Variants in EIF3B observed in about 807,000 individuals in gnomAD.
The protein encoded by EIF3B is eukaryotic translation initiation factor 3 subunit 9.
Under a neutral mutation model 104.6 loss-of-function variants are expected in EIF3B, and 10 were observed. That is an observed-to-expected ratio of 0.10 (90% confidence interval 0.06 to 0.16). EIF3B has a LOEUF of 0.16. Ranked by LOEUF, EIF3B falls within the 10% of genes least tolerant of loss-of-function variation. The pLI, the probability that EIF3B is intolerant of heterozygous loss-of-function variation, is 1.00. For missense variants in EIF3B, 1,014 were observed against 1,087.9 expected, an observed-to-expected ratio of 0.93 and a Z score of 0.96; for synonymous variants, 542 against 417.2, an observed-to-expected ratio of 1.30 and a Z score of -3.65.
intron 15 of EIF3B, among the ~76,000 whole-genome samples, chr7:2,377,450 C>T (rs900242373): frequency 1.1e-4 from 16 of 152,088 alleles, no homozygotes; most frequent in African/African-American, 3.6e-4. Context: ...GGAGAAAGTC[C>T]GTCTCAAAGT....
chr7:2,380,467 G>A lies in EIF3B; in HGVS notation c.*278G>A. The A allele has an allele frequency of 2.0e-6, 1 of 504,314 alleles. No homozygotes were observed. Among genetic ancestry groups the A allele is most frequent in the South Asian group, 1.4e-5 (1 of 69,854 alleles). The allele number at this position is 504,314 out of a possible 1,614,324, so 31.2% of individuals were successfully genotyped here. On this transcript the variant is annotated 3_prime_UTR_variant, in exon 19 of 19. Transcript: ENST00000360876. The stretch of plus-strand genomic sequence containing the variant: ...AGGCACCCGCTTCCACTTCTTTCTT[G>A]TTTGGAGTTTTCTGTTGGAACCGCC...
At chr7:2,354,195 G>T (rs1779254935), upstream of EIF3B, 1 of 152,290 alleles carries the variant, frequency 6.6e-6, no homozygotes, top group South Asian at 2.1e-4. Context: ...AAGGACTGGG[G>T]GTAAGCGATT....
At chr7:2,358,160 C>CGTG (rs1052668097) in intron 1 of EIF3B, among the ~76,000 whole-genome samples, 1 of 151,992 alleles carries the variant, frequency 6.6e-6, no homozygotes, top group Non-Finnish European at 1.5e-5. Context: ...AATGGCTCAC[C>CGTG]GCAGCCTCTG....
At chr7:2,355,581 C>T (rs964868919) in intron 1 of EIF3B, among the ~76,000 whole-genome samples, 161 bp downstream of exon 1, 3 of 152,146 alleles carry the variant, frequency 2.0e-5, no homozygotes, top group African/African-American at 7.2e-5. Flanking sequence ...TCCCGAGTGC[C>T]CTGGAAGTGT....
chr7:2,373,921 G>T (rs998790280), intron 12 of EIF3B: 3 of 152,268 alleles, frequency 2.0e-5, no homozygotes, highest in Admixed American at 6.5e-5. Flanking sequence ...CCCCACGTCA[G>T]CCTGCCCCAT....
At chr7:2,359,586 C>T (rs1216634702) in intron 1 of EIF3B, among the ~76,000 whole-genome samples, 1 of 152,166 alleles carries the variant, frequency 6.6e-6, no homozygotes, top group Non-Finnish European at 1.5e-5. Flanking sequence ...AGCTGGCAAA[C>T]CTAGCTCTCT....
In EIF3B at chr7:2,380,527, C is replaced by G; in HGVS notation, c.*338C>G. The G allele has an allele frequency of 2.3e-6, 1 of 426,482 alleles. No individual in the cohort carries two copies. The highest frequency in any genetic ancestry group is 2.0e-5 in the African/African-American group (1 of 49,586). 26.4% of individuals were successfully genotyped at this position (426,482 alleles called of 1,614,324 possible). On this transcript the variant is annotated 3_prime_UTR_variant, in exon 19 of 19. Transcript: ENST00000360876. ...TCCGAAGACTTAGCGACGCCACTGG[C>G]GGCACCTTCTCCTGCGCCCAGTGAT...
In EIF3B at chr7:2,363,673, T is replaced by A; in HGVS notation, c.912T>A (p.Asp304Glu). 6.2e-7 allele frequency: 1 copy of A among 1,614,028 alleles called. No individual in the cohort carries two copies. Among genetic ancestry groups the A allele is most frequent in the Non-Finnish European group, 8.5e-7 (1 of 1,179,958 alleles). The part of the protein sequence containing the change: ...RYWLEEAECR[D>E]QYSVIFESGD... ...GGCTTGAAGAGGCAGAATGCAGAGATCAGTACAGTGTGATTTTTGAGAGTG... is the reference window on the plus strand; with the variant it reads ...GGCTTGAAGAGGCAGAATGCAGAGAACAGTACAGTGTGATTTTTGAGAGTG... Residue 304 changes from aspartate to glutamate, a missense_variant, in exon 5 of 19, where the codon GAT (aspartate) becomes GAA (glutamate). Around this residue, in one of 4 missense-constraint regions of EIF3B, gnomAD observed 201 missense variants for 240.7 expected, o/e 0.83. Transcript: ENST00000360876.
intron 6 of EIF3B, 142 bp downstream of exon 6, chr7:2,364,671 ATCT>A (rs1209533669): frequency 4.0e-6 from 3 of 748,256 alleles, no homozygotes; most frequent in Admixed American, 3.2e-5. Flanking sequence ...TTTTACTGAG[ATCT>A]TCTCACATTT....
intron 6 of EIF3B, 21 bp downstream of exon 6, chr7:2,364,550 A>T (rs774837391): frequency 1.2e-6 from 2 of 1,605,330 alleles, no homozygotes; most frequent in Admixed American, 3.4e-5. Context: ...AGAAAAACAC[A>T]GGGGAGTCTA....
upstream of EIF3B, chr7:2,354,289 C>G (rs554286002): frequency 1.7e-4 from 26 of 152,328 alleles, no homozygotes; most frequent in African/African-American, 6.0e-4. Context: ...CCCCGAATTC[C>G]TTTTCTATTT....
intron 14 of EIF3B, 179 bp from the exon 15 acceptor site, chr7:2,376,771 G>A: frequency 3.7e-6 from 3 of 815,448 alleles, no homozygotes; most frequent in Non-Finnish European, 1.8e-6. Context: ...CGGGTCGGTT[G>A]CATAATGGAG....
At chr7:2,378,435 C>T (rs113026953) in intron 15 of EIF3B, 25 of 342,938 alleles carry the variant, frequency 7.3e-5, no homozygotes, top group South Asian at 5.2e-4. Context: ...GGAGCAGGCG[C>T]GAGCGCTCCT....
At position 2,378,709 on chromosome 7, in the gene EIF3B, G is replaced by A. The variant is rs755542173; in HGVS notation, c.2175G>A (p.Lys725=). ...EQIKQIKKDL[K]KYSKIFEQKD... ...TTCAGCAAATTAAAAAGGATCTGAAGAAATACTCTAAGATCTTTGAACAGA... is the reference window on the plus strand; with the variant it reads ...TTCAGCAAATTAAAAAGGATCTGAAAAAATACTCTAAGATCTTTGAACAGA... Residue 725 remains lysine, a synonymous_variant, in exon 16 of 19, where the codon AAG becomes AAA. Coordinates refer to ENST00000360876, the MANE Select transcript of EIF3B (RefSeq NM_001037283.2). 19 of 1,613,880 alleles carry A rather than the reference G, an allele frequency of 1.2e-5. No homozygotes were observed. Among genetic ancestry groups the A allele is most frequent in the East Asian group, 4.5e-5 (2 of 44,902 alleles).
intron 6 of EIF3B, among the ~76,000 whole-genome samples, chr7:2,365,270 G>A (rs1373789275): frequency 6.6e-6 from 1 of 152,178 alleles, no homozygotes; most frequent in East Asian, 1.9e-4. Flanking sequence ...TTTTGATCTA[G>A]CTAATCCGGC....
In EIF3B at chr7:2,354,869, A is replaced by G; in HGVS notation, c.-53A>G. 9.0e-7 allele frequency: 1 copy of G among 1,116,484 alleles called. No individual in the cohort carries two copies. The highest frequency in any genetic ancestry group is 1.1e-6 in the Non-Finnish European group (1 of 915,742). 69.2% of individuals were successfully genotyped at this position (1,116,484 alleles called of 1,614,324 possible). A position where few individuals can be genotyped will look rare whatever the true frequency, so the allele number is the denominator to read the frequency against. ...GTCGCGGCGCGCGGTGCGGCCTGGG[A>G]GAGTCGGAAGCGCGGCGGCCGCGGA... is the stretch of plus-strand genomic sequence containing the variant. On this transcript the variant is annotated 5_prime_UTR_variant, in exon 1 of 19. Transcript: ENST00000360876.
intron 11 of EIF3B, chr7:2,372,203 C>CT (rs1780385546): frequency 4.0e-6 from 1 of 252,980 alleles, no homozygotes; most frequent in Non-Finnish European, 7.7e-6. Context: ...AAGACCCTGT[C>CT]TAAAAAAAAG....
At chr7:2,375,366 G>C in intron 13 of EIF3B, 23 bp from the exon 14 acceptor site, 1 of 1,613,500 alleles carries the variant, frequency 6.2e-7, no homozygotes, top group Non-Finnish European at 8.5e-7. Context: ...CATGAAGCCT[G>C]ACGGTCCTGT....
chr7:2,358,194 C>T (rs376494274), intron 1 of EIF3B, among the ~76,000 whole-genome samples: 1 of 152,110 alleles, frequency 6.6e-6, no homozygotes, highest in Non-Finnish European at 1.5e-5. Flanking sequence ...AGCGATTTTC[C>T]TGCCTCAGCC....
Sources: allele counts gnomAD v4.1 joint callset (sites outside exome capture counted in the v4.1 genomes callset), GRCh38; gene constraint gnomAD v4.1.1; regional missense constraint gnomAD v4.1.1; transcripts MANE v1.5; gene names NCBI Gene and HGNC (gene_info 2026-07-23, HGNC 2026-07-21).